Variants in CAMKMT observed in about 807,000 individuals in gnomAD.
CAMKMT encodes the protein CaM KMT.
Under a neutral mutation model 48.0 loss-of-function variants are expected in CAMKMT, and 53 were observed. That is an observed-to-expected ratio of 1.10 (90% CI 0.89 to 1.39). CAMKMT has a LOEUF of 1.39. Among genes scored for constraint, CAMKMT ranks in the 40% most tolerant of loss-of-function variants. The pLI is 0.00. For synonymous variants in CAMKMT, 165 were observed against 152.3 expected (o/e 1.08, Z -0.61); for missense variants, 428 against 402.7 (o/e 1.06, Z -0.54).
intron 3 of CAMKMT, among the ~76,000 whole-genome samples, chr2:44,515,380 C>G (rs993024094): frequency 3.9e-5 from 6 of 152,118 alleles, no homozygotes; most frequent in Admixed American, 6.5e-5. Context: ...TGCTTACAAT[C>G]TGGCAAAGGT....
chr2:44,577,066 G>A (rs186714674), intron 3 of CAMKMT, among the ~76,000 whole-genome samples: 1 of 152,150 alleles, frequency 6.6e-6, no homozygotes, highest in Non-Finnish European at 1.5e-5. Flanking sequence ...AAGCATTCTG[G>A]TTAAATAATT....
chr2:44,380,327 A>G (rs774592963), intron 2 of CAMKMT, among the ~76,000 whole-genome samples: 63 of 152,024 alleles, frequency 4.1e-4, no homozygotes, highest in Admixed American at 9.9e-4. Flanking sequence ...GATAGAGTGA[A>G]CTTTTTATAC....
At chr2:44,606,495 A>G (rs1671291275) in intron 3 of CAMKMT, among the ~76,000 whole-genome samples, 1 of 152,226 alleles carries the variant, frequency 6.6e-6, no homozygotes, top group African/African-American at 2.4e-5. Context: ...AGCCTATGAC[A>G]AGGAGTCTGT....
intron 3 of CAMKMT, among the ~76,000 whole-genome samples, chr2:44,416,273 C>T (rs763486161): frequency 1.3e-5 from 2 of 152,036 alleles, no homozygotes; most frequent in Non-Finnish European, 2.9e-5. Context: ...ATTTAGTTTA[C>T]TCTTATTTAA....
intron 2 of CAMKMT, among the ~76,000 whole-genome samples, chr2:44,379,291 G>A (rs1680006355): frequency 6.6e-6 from 1 of 152,166 alleles, no homozygotes; most frequent in African/African-American, 2.4e-5. Flanking sequence ...TATGGCTAAT[G>A]TATTTTGTTT....
intron 3 of CAMKMT, among the ~76,000 whole-genome samples, chr2:44,551,871 T>C (rs571490539): frequency 2.6e-5 from 4 of 152,310 alleles, no homozygotes; most frequent in African/African-American, 9.6e-5. Context: ...GTCCTATATA[T>C]GACATACCTT....
intron 3 of CAMKMT, among the ~76,000 whole-genome samples, chr2:44,475,559 G>A (rs1007036398): frequency 4.6e-5 from 7 of 151,892 alleles, no homozygotes; most frequent in African/African-American, 1.2e-4. Flanking sequence ...CTTGTGATCC[G>A]CCCGTCTTGG....
chr2:44,702,289 G>C (rs760593388), intron 3 of CAMKMT, among the ~76,000 whole-genome samples: 1 of 152,064 alleles, frequency 6.6e-6, no homozygotes, highest in African/African-American at 2.4e-5. Flanking sequence ...ACCGGTATTA[G>C]GATTTGCAGT....
At chr2:44,635,814 T>C (rs890145251) in intron 3 of CAMKMT, among the ~76,000 whole-genome samples, 1 of 152,198 alleles carries the variant, frequency 6.6e-6, no homozygotes, top group Non-Finnish European at 1.5e-5. Flanking sequence ...TAAGATACAA[T>C]ACACAAGACT....
chr2:44,603,776 T>G (rs1007818913), intron 3 of CAMKMT, among the ~76,000 whole-genome samples: 2 of 152,234 alleles, frequency 1.3e-5, no homozygotes, highest in African/African-American at 2.4e-5. Context: ...ATTTGCATTC[T>G]TTCAATTCAA....
At chr2:44,603,461 T>C (rs1671115995) in intron 3 of CAMKMT, among the ~76,000 whole-genome samples, 1 of 152,222 alleles carries the variant, frequency 6.6e-6, no homozygotes, top group Non-Finnish European at 1.5e-5. Context: ...CTGGATCAGC[T>C]ATATATTGCC....
At chr2:44,541,751 G>A (rs1453697113) in intron 3 of CAMKMT, among the ~76,000 whole-genome samples, 3 of 149,020 alleles carry the variant, frequency 2.0e-5, no homozygotes, top group Middle Eastern at 3.2e-3. Flanking sequence ...AGCTTGGGTG[G>A]CAGAGTGAAA....
intron 3 of CAMKMT, among the ~76,000 whole-genome samples, chr2:44,485,486 C>T (rs777302404): frequency 3.9e-5 from 6 of 152,090 alleles, no homozygotes; most frequent in African/African-American, 4.8e-5. Flanking sequence ...AATGGCGATA[C>T]GTTCTGAGAA....
chr2:44,416,451 G>A (rs1364172735), intron 3 of CAMKMT, among the ~76,000 whole-genome samples: 3 of 151,636 alleles, frequency 2.0e-5, no homozygotes, highest in African/African-American at 7.3e-5. Flanking sequence ...ACTACTTCTC[G>A]GGTAAAAACT....
chr2:44,772,100 C>G lies in CAMKMT; in HGVS notation c.959C>G (p.Thr320Ser). The stretch of plus-strand genomic sequence containing the variant: ...CATTACCCGCTTCTGCTTATTTTGA[C>G]CAAACATGGATAGAAGATTAAGCTT... Reference protein sequence around the residue: ...NLHYPLLLILTKHG With the variant: ...NLHYPLLLILSKHG The change falls in exon 11 of 11, where the codon ACC (threonine) becomes AGC (serine). Residue 320 changes from threonine (T) to serine (S), a missense_variant. Coordinates refer to ENST00000378494, the MANE Select transcript of CAMKMT (RefSeq NM_024766.5). The G allele has an allele frequency of 6.2e-7, 1 of 1,613,410 alleles. No individual in the cohort carries two copies. Among genetic ancestry groups the G allele is most frequent in the Non-Finnish European group, 8.5e-7 (1 of 1,179,606 alleles).
chr2:44,625,153 C>T (rs908259732), intron 3 of CAMKMT, among the ~76,000 whole-genome samples: 8 of 152,152 alleles, frequency 5.3e-5, no homozygotes, highest in African/African-American at 9.7e-5. Flanking sequence ...TCCTTACTAA[C>T]GCTTGGTATG....
intron 2 of CAMKMT, among the ~76,000 whole-genome samples, chr2:44,382,402 GT>G (rs1299180069): frequency 2.6e-5 from 4 of 151,362 alleles, no homozygotes; most frequent in African/African-American, 9.7e-5. Context: ...TGGTGACTTT[GT>G]TTTTTCAGAT....
chr2:44,547,958 T>C (rs1046617064), intron 3 of CAMKMT, among the ~76,000 whole-genome samples: 1 of 152,110 alleles, frequency 6.6e-6, no homozygotes, highest in East Asian at 1.9e-4. Context: ...TGCTTGCCCA[T>C]CAGAGGCACA....
At chr2:44,694,860 T>C (rs1293527245) in intron 3 of CAMKMT, among the ~76,000 whole-genome samples, 1 of 152,234 alleles carries the variant, frequency 6.6e-6, no homozygotes, top group Non-Finnish European at 1.5e-5. Context: ...GACAGAACTC[T>C]TGTTTAGCCA....
Sources: gnomAD v4.1 joint callset for allele counts (sites outside exome capture counted in the v4.1 genomes callset) on GRCh38, gnomAD v4.1.1 for gene constraint, MANE v1.5 for transcripts, NCBI Gene and HGNC (gene_info 2026-07-23, HGNC 2026-07-21) for gene names.